The following PNPLA1 variants were observed in gnomAD, a reference collection of about 807,000 sequenced individuals.
The protein encoded by PNPLA1 is patatin like domain 1, omega-hydroxyceramide transacylase, also known as omega-hydroxyceramide transacylase.
PNPLA1 carries 36 observed loss-of-function variants against 51.7 expected under a neutral mutation model. The observed-to-expected ratio is 0.70, with a 90% CI of 0.53 to 0.92. The LOEUF (loss-of-function observed/expected upper bound fraction) is 0.92. Ranked by LOEUF, PNPLA1 falls within the 40% of genes least tolerant of loss-of-function variation. The probability of loss-of-function intolerance (pLI) is 0.00; values close to 1 mark genes in which losing one functional copy is unlikely to be tolerated. For missense variants in PNPLA1, 658 were observed against 682.5 expected (o/e 0.96, Z 0.40); for synonymous variants, 293 against 280.1 (o/e 1.05, Z -0.46).
At chr6:36,284,547 C>CCATCCACT (rs1387633414) in intron 1 of PNPLA1, among the ~76,000 whole-genome samples, 5 of 147,376 alleles carry the variant, frequency 3.4e-5, no homozygotes, top group African/African-American at 1.3e-4. Context: ...ATCCAACCAT[C>CCATCCACT]CATCCACTCA....
At position 36,307,933 on chromosome 6, in the gene PNPLA1, G is replaced by C. The variant is rs150486914; in HGVS notation, c.1595+221G>C. The C allele has an allele frequency of 8.1e-4, 359 of 444,490 alleles. 1 individual carries two copies. Among genetic ancestry groups the C allele is most frequent in the African/African-American group, 6.4e-3 (319 of 50,126 alleles). The allele number at this position is 444,490 out of a possible 1,614,324, so 27.5% of individuals were successfully genotyped here. A position where few individuals can be genotyped will look rare whatever the true frequency, so the allele number is the denominator to read the frequency against. Reference sequence around the variant, plus strand: ...TGCTCTCCCTGAGCCTCCATTTCCTGTAAAATGGGGATGATACCACTTCAT... The same window carrying C: ...TGCTCTCCCTGAGCCTCCATTTCCTCTAAAATGGGGATGATACCACTTCAT... On this transcript the variant is annotated intron_variant, in intron 8 of 8. Coordinates refer to ENST00000636260, the MANE Select transcript of PNPLA1 (RefSeq NM_001374623.1).
chr6:36,263,608 CA>C (rs1406527941), intron 1 of PNPLA1, among the ~76,000 whole-genome samples: 1 of 152,196 alleles, frequency 6.6e-6, no homozygotes, highest in Non-Finnish European at 1.5e-5. Flanking sequence ...AGCAATCGAG[CA>C]ACTCCTTGCA....
chr6:36,276,754 G>A (rs866421256), intron 1 of PNPLA1, among the ~76,000 whole-genome samples: 4 of 149,774 alleles, frequency 2.7e-5, no homozygotes, highest in East Asian at 3.9e-4. Context: ...TCGTTCGTTC[G>A]TTCCTTCCTT....
chr6:36,306,318 C>T lies in PNPLA1; in HGVS notation c.1411C>T (p.Pro471Ser). Residue 471 changes from proline (P) to serine (S), a missense_variant, in exon 7 of 9, where the codon CCA (proline) becomes TCA (serine). Pro to Ser is a moderately conservative substitution (Grantham distance 74). Transcript: ENST00000636260. ...QAVALLVSSK[P>S]KSAVPLVHVK... ...TGTAGCTCTTCTTGTCTCTTCAAAACCAAAAAGCGCCGTGCCTCTGGTTCA... is the reference window on the plus strand; with the variant it reads ...TGTAGCTCTTCTTGTCTCTTCAAAATCAAAAAGCGCCGTGCCTCTGGTTCA... The T allele has an allele frequency of 2.5e-6, 4 of 1,612,840 alleles. No homozygotes were observed. The highest frequency in any genetic ancestry group is 3.4e-6 in the Non-Finnish European group (4 of 1,179,574).
chr6:36,278,275 A>G (rs1019672415), intron 1 of PNPLA1, among the ~76,000 whole-genome samples: 27 of 152,222 alleles, frequency 1.8e-4, no homozygotes, highest in African/African-American at 6.0e-4. Context: ...TCATAAAACA[A>G]GAACTCCTTG....
chr6:36,266,807 G>A (rs1582041373), upstream of PNPLA1, among the ~76,000 whole-genome samples: 1 of 152,318 alleles, frequency 6.6e-6, no homozygotes, highest in African/African-American at 2.4e-5. Flanking sequence ...TTAGATTCAG[G>A]TGACATCGTT....
At chr6:36,262,649 A>G (rs988677647) in intron 1 of PNPLA1, among the ~76,000 whole-genome samples, 1 of 152,236 alleles carries the variant, frequency 6.6e-6, no homozygotes, top group Non-Finnish European at 1.5e-5. Flanking sequence ...ATGCATATAC[A>G]TACAGAAGCT....
At position 36,307,641 on chromosome 6, in the gene PNPLA1, G is replaced by A. The variant is rs753026926; in HGVS notation, c.1524G>A (p.Lys508=). The change falls in exon 8 of 9, where the codon AAG becomes AAA. Residue 508 remains lysine, a synonymous_variant. Transcript: ENST00000636260. ...NWVNKVFKKN[K]QKTSGTRKGF... is the part of the protein sequence containing the mutation. The stretch of plus-strand genomic sequence containing the variant: ...TGAATAAGGTCTTCAAGAAGAACAA[G>A]CAAAAGACAAGTGGCACCAGAAAAG... The A allele has an allele frequency of 6.2e-7, 1 of 1,613,940 alleles. No homozygotes were observed. The highest frequency in any genetic ancestry group is 8.5e-7 in the Non-Finnish European group (1 of 1,179,992).
chr6:36,278,981 G>A (rs1770194333), intron 1 of PNPLA1, among the ~76,000 whole-genome samples: 1 of 152,202 alleles, frequency 6.6e-6, no homozygotes, highest in Non-Finnish European at 1.5e-5. Flanking sequence ...ATGACACAAG[G>A]GGCACAGTGT....
intron 1 of PNPLA1, among the ~76,000 whole-genome samples, chr6:36,259,136 C>T (rs1769593160): frequency 6.6e-6 from 1 of 152,140 alleles, no homozygotes; most frequent in Admixed American, 6.5e-5. Context: ...TGGAACAGAC[C>T]CTCCTAGTGA....
At chr6:36,307,807 G>GC in intron 8 of PNPLA1, 95 bp downstream of exon 8, 2 of 1,473,908 alleles carry the variant, frequency 1.4e-6, no homozygotes, top group South Asian at 1.3e-5. Context: ...GAGTGTAAGG[G>GC]AGTAGGGGGT....
At chr6:36,269,748 C>T (rs1361165355), upstream of PNPLA1, among the ~76,000 whole-genome samples, 1 of 152,252 alleles carries the variant, frequency 6.6e-6, no homozygotes, top group East Asian at 1.9e-4. Context: ...TAAAATTTTA[C>T]CCAGGGCCAA....
chr6:36,306,797 C>T (rs538896475), intron 7 of PNPLA1, among the ~76,000 whole-genome samples: 1 of 152,348 alleles, frequency 6.6e-6, no homozygotes, highest in East Asian at 1.9e-4. Context: ...TTACTCCGAA[C>T]TATTTTCTAT....
At chr6:36,275,494 G>A (rs1770063179) in intron 1 of PNPLA1, among the ~76,000 whole-genome samples, 1 of 152,116 alleles carries the variant, frequency 6.6e-6, no homozygotes. Flanking sequence ...AATTTATTTT[G>A]TTGATGGTTG....
chr6:36,291,322 G>T lies in PNPLA1; in HGVS notation c.208G>T (p.Glu70Ter). ...CCTCTTCTCTGCTTCCTTTGCAGAT[G>T]AGTATCTCAGAGTCCTCAACGTGGG... Reference protein sequence around the residue: ...ALAICGIEMDEYLRVLNVGVA... With the variant: ...ALAICGIEMD The change falls in exon 2 of 9, where the codon GAG becomes TAG. Residue 70 changes from glutamate to a stop codon, truncating the protein, a stop_gained and splice_region_variant. Transcript: ENST00000636260. LOFTEE classifies it high-confidence loss of function. 1.9e-6 allele frequency: 3 copies of T among 1,613,658 alleles called. No homozygotes were observed. Among genetic ancestry groups the T allele is most frequent in the Non-Finnish European group, 2.5e-6 (3 of 1,179,692 alleles).
At chr6:36,309,602 A>C (rs1380223382) in intron 8 of PNPLA1, among the ~76,000 whole-genome samples, 2 of 152,202 alleles carry the variant, frequency 1.3e-5, no homozygotes, top group Admixed American at 6.5e-5. Context: ...CTGGGAATGA[A>C]GGTGCTTTAC....
chr6:36,247,560 C>T (rs781340188), intron 1 of PNPLA1, among the ~76,000 whole-genome samples: 3 of 152,048 alleles, frequency 2.0e-5, no homozygotes, highest in Admixed American at 6.5e-5. Context: ...AGTGTATAGT[C>T]GATGAATGAA....
chr6:36,248,354 C>T (rs1769346194), intron 1 of PNPLA1, among the ~76,000 whole-genome samples: 1 of 152,130 alleles, frequency 6.6e-6, no homozygotes. Flanking sequence ...CAACAGCCCT[C>T]TGAGGGAGGC....
At chr6:36,297,257 A>G (rs1770885957) in intron 5 of PNPLA1, among the ~76,000 whole-genome samples, 1 of 152,190 alleles carries the variant, frequency 6.6e-6, no homozygotes, top group Non-Finnish European at 1.5e-5. Context: ...CCGATTTGCC[A>G]GTGTATGGCA....
Sources: allele counts gnomAD v4.1 joint callset (sites outside exome capture counted in the v4.1 genomes callset), GRCh38; gene constraint gnomAD v4.1.1; transcripts MANE v1.5; gene names NCBI Gene and HGNC (gene_info 2026-07-23, HGNC 2026-07-21).